Variants in DCC observed in about 807,000 individuals in gnomAD.
DCC encodes netrin receptor DCC.
In DCC, 58 loss-of-function variants were observed where a neutral mutation model predicts 172.5. That is an observed-to-expected ratio of 0.34 (90% CI 0.27 to 0.42). The LOEUF (loss-of-function observed/expected upper bound fraction) is 0.42, where lower values mean the gene tolerates loss of function less well. DCC is among the 10% of genes least tolerant of loss of function. DCC has a pLI of 1.00. For synonymous variants in DCC, 709 were observed against 644.5 expected, an observed-to-expected ratio of 1.10 and a Z score of -1.52; for missense variants, 1,740 against 1,791.0, an observed-to-expected ratio of 0.97 and a Z score of 0.51.
chr18:53,098,713 T>C (rs2043121540), intron 7 of DCC, among the ~76,000 whole-genome samples: 1 of 152,172 alleles, frequency 6.6e-6, no homozygotes, highest in Non-Finnish European at 1.5e-5. Context: ...CCCCCCTTTA[T>C]AATTTGTTTT....
chr18:52,604,200 C>T lies in DCC; in HGVS notation c.92-147854C>T, dbSNP rs540678502. Among the ~76,000 whole-genome samples, 279 of 152,192 alleles carry T rather than the reference C, an allele frequency of 1.8e-3. 1 individual carries two copies. Among genetic ancestry groups the T allele is most frequent in the African/African-American group, 6.5e-3 (271 of 41,544 alleles). On this transcript the variant is annotated intron_variant, in intron 1 of 28. Transcript: ENST00000442544. ...GCCTCAACTTGGCATTTGATGCTCT[C>T]GGTATTCTGGCTTCATTTCATCAAT...
intron 1 of DCC, among the ~76,000 whole-genome samples, chr18:52,746,710 T>C (rs1213032507): frequency 6.6e-6 from 1 of 152,136 alleles, no homozygotes; most frequent in Non-Finnish European, 1.5e-5. Flanking sequence ...ATATTCTCTA[T>C]GTATAGATAA....
chr18:53,279,209 G>A (rs909663235), intron 12 of DCC, among the ~76,000 whole-genome samples: 4 of 152,006 alleles, frequency 2.6e-5, no homozygotes, highest in Non-Finnish European at 5.9e-5. Context: ...TATGCTTATT[G>A]TGGCACTATT....
At chr18:52,931,954 A>C (rs904253592) in intron 5 of DCC, 1 of 152,104 alleles carries the variant, frequency 6.6e-6, no homozygotes, top group African/African-American at 2.4e-5. Context: ...ATTTAAAAAA[A>C]GAAAAAACGA....
rs181739503 is a variant in DCC at position 53,469,410 on chromosome 18, C to T, written c.3736+1400C>T. Among the ~76,000 whole-genome samples the T allele has an allele frequency of 3.7e-4, 56 of 152,304 alleles. No homozygotes were observed. The East Asian group carries it at 0.01, about 27-fold the overall frequency. ...GTATTTCTCTAGTGGTTCATAGTTA[C>T]ACTTTATAAGATGAATGTCTTATAT... On this transcript the variant is annotated intron_variant, in intron 25 of 28. Coordinates refer to ENST00000442544, the MANE Select transcript of DCC (RefSeq NM_005215.4).
intron 1 of DCC, among the ~76,000 whole-genome samples, chr18:52,484,261 A>C (rs4940181): frequency 3.9e-5 from 6 of 152,058 alleles, no homozygotes; most frequent in Non-Finnish European, 8.8e-5. Context: ...CTTAGAGTAC[A>C]GTAGAGCTTT....
chr18:53,471,851 C>T (rs1265972232), intron 25 of DCC, among the ~76,000 whole-genome samples: 2 of 152,040 alleles, frequency 1.3e-5, no homozygotes, highest in Non-Finnish European at 2.9e-5. Context: ...TATTATGCTT[C>T]ATTTTTCTTT....
chr18:52,945,274 G>T (rs1450212384), intron 5 of DCC, among the ~76,000 whole-genome samples: 1 of 152,134 alleles, frequency 6.6e-6, no homozygotes, highest in Non-Finnish European at 1.5e-5. Flanking sequence ...GCTTAAGATA[G>T]ATGATCTTTA....
intron 2 of DCC, among the ~76,000 whole-genome samples, chr18:52,868,237 T>C (rs1268518417): frequency 6.6e-6 from 1 of 152,130 alleles, no homozygotes; most frequent in Admixed American, 6.6e-5. Flanking sequence ...AGCAGCCTAA[T>C]AGCCTTTTCA....
chr18:52,773,482 C>G (rs1435136696), intron 2 of DCC, among the ~76,000 whole-genome samples: 1 of 147,734 alleles, frequency 6.8e-6, no homozygotes, highest in Non-Finnish European at 1.5e-5. Context: ...AAAAATTAAC[C>G]CCCCCAAATA....
At chr18:52,502,728 T>C (rs1172675136) in intron 1 of DCC, among the ~76,000 whole-genome samples, 1 of 152,194 alleles carries the variant, frequency 6.6e-6, no homozygotes, top group Non-Finnish European at 1.5e-5. Flanking sequence ...TCTTTCTGCC[T>C]ACACAGCACA....
intron 1 of DCC, among the ~76,000 whole-genome samples, chr18:52,624,258 A>C: frequency 6.6e-6 from 1 of 152,218 alleles, no homozygotes; most frequent in Middle Eastern, 3.2e-3. Context: ...TAATTCAAAT[A>C]TAAATATCCA....
chr18:53,008,407 T>C (rs2041677068), intron 5 of DCC, among the ~76,000 whole-genome samples: 1 of 152,088 alleles, frequency 6.6e-6, no homozygotes, highest in African/African-American at 2.4e-5. Context: ...TTTCCATTAC[T>C]CCAAGATATG....
At chr18:53,437,782 T>G (rs1387427762) in intron 22 of DCC, among the ~76,000 whole-genome samples, 1 of 151,948 alleles carries the variant, frequency 6.6e-6, no homozygotes, top group Non-Finnish European at 1.5e-5. Context: ...CCAAAAACAT[T>G]ATATGTATTC....
rs1276929123 is a variant in DCC at position 52,948,638 on chromosome 18, CCT to C, written c.985+23270_985+23271del. 2.1e-3 allele frequency among the ~76,000 whole-genome samples: 320 copies of C among 152,232 alleles called. 2 individuals are homozygous for C. Among genetic ancestry groups the C allele is most frequent in the African/African-American group, 7.1e-3 (293 of 41,532 alleles). ...GATTCATGTTCACCTTCTTTCTTCT[CCT>C]CCAAAACTGAATCCCTATGGGGCAC... is the stretch of plus-strand genomic sequence containing the variant. On this transcript the variant is annotated intron_variant, in intron 5 of 28. Transcript: ENST00000442544.
intron 1 of DCC, among the ~76,000 whole-genome samples, chr18:52,517,809 C>T (rs2031688456): frequency 6.6e-6 from 1 of 152,058 alleles, no homozygotes; most frequent in South Asian, 2.1e-4. Flanking sequence ...TAAATTAATG[C>T]TTATTTGGGG....
At chr18:53,197,679 C>A (rs956558004) in intron 9 of DCC, among the ~76,000 whole-genome samples, 1 of 151,592 alleles carries the variant, frequency 6.6e-6, no homozygotes, top group Non-Finnish European at 1.5e-5. Context: ...TCTTTGAAAA[C>A]CTCATATTCA....
At chr18:52,410,133 A>G (rs1342597010) in intron 1 of DCC, among the ~76,000 whole-genome samples, 1 of 152,074 alleles carries the variant, frequency 6.6e-6, no homozygotes, top group Non-Finnish European at 1.5e-5. Context: ...CCCTTCAAAA[A>G]CGGTATTAGG....
intron 15 of DCC, among the ~76,000 whole-genome samples, chr18:53,352,769 A>G (rs1254382839): frequency 2.0e-5 from 3 of 152,128 alleles, no homozygotes; most frequent in South Asian, 2.1e-4. Flanking sequence ...CCTGCTATTC[A>G]TGTTTTATGT....
Sources: allele counts gnomAD v4.1 joint callset (sites outside exome capture counted in the v4.1 genomes callset), GRCh38; gene constraint gnomAD v4.1.1; transcripts MANE v1.5; gene names NCBI Gene and HGNC (gene_info 2026-07-23, HGNC 2026-07-21).